DGKB: variants seen among roughly 807,000 people sequenced by gnomAD.
DGKB encodes the protein diacylglycerol kinase beta, also known as 90 kDa diacylglycerol kinase.
A neutral mutation model predicts 114.3 loss-of-function variants in DGKB; 67 were observed. The ratio of observed to expected loss-of-function variants is 0.59; its 90% CI spans 0.48 to 0.72. The LOEUF is 0.72. DGKB is among the 30% of genes least tolerant of loss of function. DGKB has a pLI of 0.00. For synonymous variants in DGKB, 398 were observed against 323.1 expected, an observed-to-expected ratio of 1.23 and a Z score of -2.49; for missense variants, 907 against 975.2, an observed-to-expected ratio of 0.93 and a Z score of 0.93.
intron 1 of DGKB, among the ~76,000 whole-genome samples, chr7:14,922,975 T>C (rs978595434): frequency 6.6e-6 from 1 of 152,198 alleles, no homozygotes; most frequent in African/African-American, 2.4e-5. Context: ...TAACTGAAAC[T>C]TTGTATTCTT....
chr7:14,771,113 G>A (rs765017756), intron 2 of DGKB, among the ~76,000 whole-genome samples: 5 of 152,060 alleles, frequency 3.3e-5, no homozygotes, highest in Non-Finnish European at 7.4e-5. Context: ...AGCCACCCCT[G>A]GCACCTGGAC....
At chr7:14,761,125 C>T (rs925456728) in intron 2 of DGKB, among the ~76,000 whole-genome samples, 2 of 152,106 alleles carry the variant, frequency 1.3e-5, no homozygotes, top group African/African-American at 4.8e-5. Flanking sequence ...TAACTATGAC[C>T]TGATCTCCAC....
At chr7:14,438,410 G>A (rs1829595334) in intron 21 of DGKB, among the ~76,000 whole-genome samples, 1 of 152,084 alleles carries the variant, frequency 6.6e-6, no homozygotes. Context: ...TTGTACTCAT[G>A]TTCTAAACAT....
chr7:14,150,862 T>A (rs1782089528), intron 25 of DGKB, among the ~76,000 whole-genome samples: 1 of 152,134 alleles, frequency 6.6e-6, no homozygotes. Flanking sequence ...CATCATTTAT[T>A]CATTTCACAA....
At chr7:14,781,782 G>T (rs1402394936) in intron 2 of DGKB, among the ~76,000 whole-genome samples, 1 of 151,996 alleles carries the variant, frequency 6.6e-6, no homozygotes, top group African/African-American at 2.4e-5. Context: ...CCTCATTACT[G>T]TACCCTAAGA....
In DGKB at chr7:14,867,455, G is replaced by A. The variant is rs529238469; in HGVS notation, c.-187-26005C>T. On this transcript the variant is annotated intron_variant, in intron 1 of 25. Coordinates refer to ENST00000402815, the MANE Select transcript of DGKB (RefSeq NM_001350709.2). ...TCTGTTTTTTTTTTTAAATGTGGAT[G>A]TTCACTTGTTCCACATTTTTTTAAT... 4.5e-3 allele frequency among the ~76,000 whole-genome samples: 682 copies of A among 151,520 alleles called. 3 individuals carry two copies. The highest frequency in any genetic ancestry group is 0.031 in the Middle Eastern group (9 of 288).
chr7:14,302,649 C>T (rs1803756003), intron 23 of DGKB, among the ~76,000 whole-genome samples: 2 of 152,040 alleles, frequency 1.3e-5, no homozygotes, highest in African/African-American at 4.8e-5. Context: ...TTGACTTGAT[C>T]CATAATTGTT....
intron 21 of DGKB, among the ~76,000 whole-genome samples, chr7:14,393,240 C>T (rs974648582): frequency 2.6e-5 from 4 of 151,710 alleles, no homozygotes; most frequent in Non-Finnish European, 5.9e-5. Flanking sequence ...CCGCCCGCCT[C>T]GGCCTCCCAA....
At position 14,682,762 on chromosome 7, in the gene DGKB, C is replaced by A; in HGVS notation, c.909G>T (p.Arg303Ser). Residue 303 changes from arginine (R) to serine (S), a missense_variant, in exon 11 of 26, where the codon AGG (arginine) becomes AGT (serine). Around this residue, in one of 3 missense-constraint regions of DGKB, gnomAD observed 814 missense variants for 856.6 expected, o/e 0.95. Transcript: ENST00000402815. ...ATGCACACAAACTTACATCAGTGTT[C>A]CTTTTGGACTTCACATAGGTCTTGA... The part of the protein sequence containing the change: ...SCIKTYVKSK[R>S]NTDVMHHYWV... The A allele has an allele frequency of 6.2e-7, 1 of 1,612,216 alleles. No individual in the cohort carries two copies. The highest frequency in any genetic ancestry group is 8.5e-7 in the Non-Finnish European group (1 of 1,178,860).
chr7:14,914,141 T>C (rs1784124601), intron 1 of DGKB, among the ~76,000 whole-genome samples: 2 of 152,136 alleles, frequency 1.3e-5, no homozygotes, highest in South Asian at 4.1e-4. Flanking sequence ...TAATGAAGAA[T>C]TGCTCTCAAG....
At chr7:14,271,242 G>A (rs1025600248) in intron 23 of DGKB, among the ~76,000 whole-genome samples, 2 of 152,126 alleles carry the variant, frequency 1.3e-5, no homozygotes, top group Non-Finnish European at 2.9e-5. Flanking sequence ...TCCATTCAAA[G>A]AGAGATAACA....
At chr7:14,283,422 A>T (rs2128459144) in intron 23 of DGKB, among the ~76,000 whole-genome samples, 1 of 151,608 alleles carries the variant, frequency 6.6e-6, no homozygotes, top group African/African-American at 2.4e-5. Context: ...CAATATTGTG[A>T]AAATGGCCAT....
intron 21 of DGKB, among the ~76,000 whole-genome samples, chr7:14,416,135 A>T (rs1163052158): frequency 6.6e-6 from 1 of 151,870 alleles, no homozygotes; most frequent in African/African-American, 2.4e-5. Flanking sequence ...TTTTTCTTGT[A>T]AATTTGTTTG....
chr7:14,793,347 G>A (rs1292285081), intron 2 of DGKB, among the ~76,000 whole-genome samples: 4 of 151,998 alleles, frequency 2.6e-5, no homozygotes, highest in African/African-American at 9.7e-5. Context: ...TCCTACCACA[G>A]CTACCCCAAG....
chr7:14,792,426 G>A (rs540330722), intron 2 of DGKB, among the ~76,000 whole-genome samples: 12 of 152,200 alleles, frequency 7.9e-5, no homozygotes, highest in African/African-American at 2.6e-4. Flanking sequence ...GCCACTCAGG[G>A]AAGGCCTGGG....
chr7:14,786,218 C>G (rs990819717), intron 2 of DGKB, among the ~76,000 whole-genome samples: 1 of 151,998 alleles, frequency 6.6e-6, no homozygotes, highest in African/African-American at 2.4e-5. Flanking sequence ...TTCCTACGAA[C>G]TTGGATATCT....
intron 1 of DGKB, among the ~76,000 whole-genome samples, chr7:14,871,252 T>C (rs575693273): frequency 3.4e-4 from 52 of 152,312 alleles, no homozygotes; most frequent in Non-Finnish European, 6.8e-4. Context: ...TTTCTTTGTA[T>C]TGAGAACACT....
intron 23 of DGKB, among the ~76,000 whole-genome samples, chr7:14,313,779 C>A: frequency 6.6e-6 from 1 of 152,294 alleles, no homozygotes; most frequent in South Asian, 2.1e-4. Flanking sequence ...TGGAGCCCAC[C>A]ACAGCTCAAG....
rs571380319 is a variant in DGKB, at chr7:14,149,316, T to C, written c.2305-78A>G. The C allele has an allele frequency of 2.5e-5, 25 of 1,002,700 alleles. No homozygotes were observed. The East Asian group carries it at 5.9e-4, about 24-fold the overall frequency. 62.1% of individuals were successfully genotyped at this position (1,002,700 alleles called of 1,614,324 possible). ...GATACAATACCAATTTGTGAGACTCTCTGTTAAGGTTAATAATATTTCATG... is the reference window on the plus strand; with the variant it reads ...GATACAATACCAATTTGTGAGACTCCCTGTTAAGGTTAATAATATTTCATG... On this transcript the variant is annotated intron_variant, in intron 25 of 25. Coordinates refer to ENST00000402815, the MANE Select transcript of DGKB (RefSeq NM_001350709.2).
Sources: gnomAD v4.1 joint callset for allele counts (sites outside exome capture counted in the v4.1 genomes callset) on GRCh38, gnomAD v4.1.1 for gene constraint, gnomAD v4.1.1 regional missense constraint, MANE v1.5 for transcripts, NCBI Gene and HGNC (gene_info 2026-07-23, HGNC 2026-07-21) for gene names.